The following SCAP variants were observed in gnomAD, a reference collection of about 807,000 sequenced individuals.
The protein encoded by SCAP is sterol regulatory element-binding protein cleavage-activating protein.
A neutral mutation model predicts 123.6 loss-of-function variants in SCAP; 65 were observed. The observed-to-expected ratio is 0.53, with a 90% CI of 0.43 to 0.65. The LOEUF is 0.65. SCAP is among the 30% of genes least tolerant of loss of function. SCAP has a pLI of 0.00. For missense variants in SCAP, 1,398 were observed against 1,712.5 expected (o/e 0.82, Z 3.24); for synonymous variants, 740 against 726.3 (o/e 1.02, Z -0.30).
chr3:47,414,173 C>T lies in SCAP; in HGVS notation c.3594+7G>A, dbSNP rs553479595. The T allele has an allele frequency of 1.2e-6, 2 of 1,613,734 alleles. No individual in the cohort carries two copies. Among genetic ancestry groups the T allele is most frequent in the East Asian group, 2.2e-5 (1 of 44,892 alleles). On this transcript the variant is annotated splice_region_variant and intron_variant, in intron 22 of 22. Coordinates refer to ENST00000265565, the MANE Select transcript of SCAP (RefSeq NM_012235.4). ...CCCAAGAATCCTATGATCCCCATCC[C>T]CTCTACCTGCTGAATGGAGTAGAAC...
At chr3:47,438,312 C>T (rs955769784) in intron 2 of SCAP, among the ~76,000 whole-genome samples, 1 of 152,096 alleles carries the variant, frequency 6.6e-6, no homozygotes, top group East Asian at 1.9e-4. Context: ...TCCATCTTTA[C>T]CTACACTCAA....
intron 3 of SCAP, 140 bp from the exon 4 acceptor site, chr3:47,428,810 G>T: frequency 1.2e-6 from 1 of 866,448 alleles, no homozygotes; most frequent in Non-Finnish European, 1.7e-6. Context: ...AAGTTCTTGA[G>T]TTTGCAGGAT....
chr3:47,433,660 A>G (rs896240655), intron 3 of SCAP, among the ~76,000 whole-genome samples: 6 of 152,098 alleles, frequency 3.9e-5, no homozygotes, highest in African/African-American at 1.4e-4. Flanking sequence ...TGAGGTCAGG[A>G]GTTTGAGACC....
intron 3 of SCAP, chr3:47,428,893 A>T (rs1224517947): frequency 4.1e-6 from 2 of 487,178 alleles, no homozygotes; most frequent in Non-Finnish European, 7.2e-6. Flanking sequence ...GAACTGGCTG[A>T]AATAAGCTGG....
chr3:47,425,657 C>G, intron 7 of SCAP, 46 bp from the exon 8 acceptor site: 3 of 1,603,984 alleles, frequency 1.9e-6, no homozygotes, highest in Non-Finnish European at 2.6e-6. Flanking sequence ...CCCCCAGCCC[C>G]CGGCCCACTG....
In SCAP at chr3:47,419,672, T is replaced by C. The variant is rs1329324144; in HGVS notation, c.1596A>G (p.Val532=). Residue 532 remains valine, a synonymous_variant, in exon 13 of 23, where the codon GTA becomes GTG. Coordinates refer to ENST00000265565, the MANE Select transcript of SCAP (RefSeq NM_012235.4). The surrounding 1 kb of genome is among the most constrained non-coding windows in gnomAD (Gnocchi z 5.0). The part of the protein sequence containing the change: ...AGTVVWIGIL[V]YTDPAGLRNY... ...TGCGCAGCCCTGCTGGGTCTGTGTA[T>C]ACCAGGATGCCAATCCAGACAACGG... 6.5e-7 allele frequency: 1 copy of C among 1,530,118 alleles called. No homozygotes were observed. The highest frequency in any genetic ancestry group is 8.8e-7 in the Non-Finnish European group (1 of 1,138,242). 94.8% of individuals were successfully genotyped at this position (1,530,118 alleles called of 1,614,324 possible).
rs1477289605 is a variant in SCAP at position 47,442,947 on chromosome 3, T to C, written c.47A>G (p.Tyr16Cys). Residue 16 changes from tyrosine to cysteine, a missense_variant, in exon 2 of 23, where the codon TAC (tyrosine) becomes TGC (cysteine). Physicochemically the swap from Tyr to Cys is radical, Grantham distance 194. Transcript: ENST00000265565. ...GGATGCACAGAGGAGCCCATGGTTGTAGAAGGCCCGAGATATCTTCTCACG... is the reference window on the plus strand; with the variant it reads ...GGATGCACAGAGGAGCCCATGGTTGCAGAAGGCCCGAGATATCTTCTCACG... Reference protein sequence around the residue: ...RLREKISRAFYNHGLLCASYP... With the variant: ...RLREKISRAFCNHGLLCASYP... 1 of 1,614,168 alleles carries C rather than the reference T, an allele frequency of 6.2e-7. No individual in the cohort carries two copies.
intron 1 of SCAP, among the ~76,000 whole-genome samples, chr3:47,467,293 G>C (rs1707861006): frequency 6.6e-6 from 1 of 151,940 alleles, no homozygotes; most frequent in Non-Finnish European, 1.5e-5. Flanking sequence ...AAAAGGACTT[G>C]AATGAACATT....
At chr3:47,427,008 T>C (rs1706162134) in intron 6 of SCAP, 149 bp downstream of exon 6, 1 of 664,184 alleles carries the variant, frequency 1.5e-6, no homozygotes, top group Admixed American at 2.4e-5. Flanking sequence ...CATCATCTAG[T>C]CTGAGGGATG....
chr3:47,416,393 C>T (rs1705571816), intron 18 of SCAP, among the ~76,000 whole-genome samples: 1 of 152,228 alleles, frequency 6.6e-6, no homozygotes, highest in Admixed American at 6.5e-5. Context: ...AGAACAGCTG[C>T]CAGCGGCCAA....
intron 1 of SCAP, among the ~76,000 whole-genome samples, chr3:47,454,824 A>G (rs776105953): frequency 3.3e-5 from 5 of 151,600 alleles, no homozygotes; most frequent in African/African-American, 4.8e-5. Context: ...ATCTTTCTCA[A>G]TCTCAAAGCT....
Position 47,414,011 on chromosome 3 carries a change from T to G in SCAP, c.3683A>C (p.Asn1228Thr), listed in dbSNP as rs1559533694. Residue 1228 changes from asparagine to threonine, a missense_variant, in exon 23 of 23, where the codon AAC (asparagine) becomes ACC (threonine). Asn to Thr is a moderately conservative substitution (Grantham distance 65, BLOSUM62 0). This residue lies in a region of SCAP where 130 missense variants were observed against 166.7 expected (regional missense o/e 0.78). Coordinates refer to ENST00000265565, the MANE Select transcript of SCAP (RefSeq NM_012235.4). ...GQGCVSFWDLNYGDLLQTVYL... is the reference protein window; with the variant it reads ...GQGCVSFWDLTYGDLLQTVYL... The stretch of plus-strand genomic sequence containing the variant: ...GACTGTCTGTAACAGGTCCCCGTAG[T>G]TTAGGTCCCAAAAGGAGACACAGCC... 1 of 1,613,184 alleles carries G rather than the reference T, an allele frequency of 6.2e-7. No individual in the cohort carries two copies. Among genetic ancestry groups the G allele is most frequent in the Non-Finnish European group, 8.5e-7 (1 of 1,180,026 alleles).
Position 47,420,728 on chromosome 3 carries a change from G to C in SCAP, c.1389C>G (p.Pro463=). 1 of 1,611,052 alleles carries C rather than the reference G, an allele frequency of 6.2e-7. No homozygotes were observed. Among genetic ancestry groups the C allele is most frequent in the Non-Finnish European group, 8.5e-7 (1 of 1,179,870 alleles). ...NKRLPPEACL[P]SAKPVGQPTR... is the part of the protein sequence containing the mutation. ...TTGGCTGTCCCACTGGCTTGGCTGA[G>C]GGCAGGCAGGCCTCAGGGGGCAGTC... Residue 463 remains proline (P), a synonymous_variant, in exon 12 of 23, where the codon CCC becomes CCG. Coordinates refer to ENST00000265565, the MANE Select transcript of SCAP (RefSeq NM_012235.4). This position sits in a 1 kb window ranked among gnomAD's most constrained non-coding sequence, Gnocchi z 5.0.
chr3:47,445,350 G>A (rs1331358224), intron 1 of SCAP, among the ~76,000 whole-genome samples: 3 of 147,708 alleles, frequency 2.0e-5, no homozygotes, highest in Admixed American at 6.8e-5. Context: ...AGATTCAAGC[G>A]ATTCTCTTGC....
At chr3:47,434,884 C>G in intron 3 of SCAP, 124 bp downstream of exon 3, 2 of 1,199,340 alleles carry the variant, frequency 1.7e-6, no homozygotes, top group Non-Finnish European at 2.4e-6. Context: ...ACTGATAAAG[C>G]TGTTAAAGTA....
At chr3:47,458,502 G>A (rs935903998) in intron 1 of SCAP, among the ~76,000 whole-genome samples, 2 of 152,176 alleles carry the variant, frequency 1.3e-5, no homozygotes, top group Admixed American at 1.3e-4. Context: ...GCTGATTTCA[G>A]AGAATTTAAA....
chr3:47,457,397 C>T (rs187544366), intron 1 of SCAP, among the ~76,000 whole-genome samples: 6 of 152,324 alleles, frequency 3.9e-5, no homozygotes, highest in East Asian at 3.9e-4. Context: ...TTCTGACTCT[C>T]TCAGCCTCCT....
chr3:47,432,203 G>T (rs1229010355), intron 3 of SCAP, among the ~76,000 whole-genome samples: 5 of 151,420 alleles, frequency 3.3e-5, no homozygotes, highest in African/African-American at 1.2e-4. Context: ...TGTAGTCCCA[G>T]CTACTCGGGA....
chr3:47,454,878 C>T (rs985422136), intron 1 of SCAP, among the ~76,000 whole-genome samples: 2 of 151,692 alleles, frequency 1.3e-5, no homozygotes, highest in South Asian at 2.1e-4. Flanking sequence ...TTCTCACTAA[C>T]GTCAGGGGCC....
Sources: gnomAD v4.1 joint callset for allele counts (sites outside exome capture counted in the v4.1 genomes callset) on GRCh38, gnomAD v4.1.1 for gene constraint, gnomAD v4.1.1 regional missense constraint, Gnocchi (gnomAD v3.1) non-coding constraint, MANE v1.5 for transcripts, NCBI Gene and HGNC (gene_info 2026-07-23, HGNC 2026-07-21) for gene names.